Variants in ZNF280D observed in about 807,000 individuals in gnomAD.
ZNF280D encodes zinc finger protein 280D, also known as suppressor of hairy wing homolog 4.
A neutral mutation model predicts 94.7 loss-of-function variants in ZNF280D; 39 were observed. The observed-to-expected ratio is 0.41, with a 90% CI of 0.32 to 0.54. The LOEUF (loss-of-function observed/expected upper bound fraction) is 0.54, where lower values mean the gene tolerates loss of function less well. ZNF280D is among the 20% of genes least tolerant of loss of function. The pLI is 0.22. For synonymous variants in ZNF280D, 398 were observed against 377.6 expected (o/e 1.05, Z -0.63); for missense variants, 1,090 against 1,149.3 (o/e 0.95, Z 0.75).
rs2058333620 is a variant in ZNF280D, at chr15:56,721,038, C to G, written c.-86+12420G>C. On this transcript the variant is annotated intron_variant, in intron 1 of 21. Transcript: ENST00000267807. The stretch of plus-strand genomic sequence containing the variant: ...AGTGCAGTGGCACCATCTAAACTCA[C>G]TGCAACTTCTGCCACCCAGGTTCAA... Among the ~76,000 whole-genome samples, 3 of 151,416 alleles carry G rather than the reference C, an allele frequency of 2.0e-5. No homozygotes were observed. In the South Asian group the frequency reaches 6.3e-4, roughly 32 times the overall value.
intron 13 of ZNF280D, among the ~76,000 whole-genome samples, chr15:56,669,960 T>TA (rs2054690955): frequency 3.0e-4 from 1 of 3,336 alleles, no homozygotes; most frequent in Non-Finnish European, 4.4e-4. Context: ...TATATATATA[T>TA]ATTATATATA....
At chr15:56,686,511 A>G (rs1178543622) in intron 9 of ZNF280D, among the ~76,000 whole-genome samples, 1 of 152,226 alleles carries the variant, frequency 6.6e-6, no homozygotes, top group Non-Finnish European at 1.5e-5. Context: ...CAAAATTGCA[A>G]TATATGAAAG....
chr15:56,641,642 G>A lies in ZNF280D; in HGVS notation c.2259+1310C>T, dbSNP rs563223775. Among the ~76,000 whole-genome samples, 115 of 151,878 alleles carry A rather than the reference G, an allele frequency of 7.6e-4. 1 individual carries two copies. The highest frequency in any genetic ancestry group is 2.7e-3 in the African/African-American group (111 of 41,530). ...TTGATCATATTTAAATTCACAGAAT[G>A]CAGCATTTTCTTCTGTTAAATTATG... On this transcript the variant is annotated intron_variant, in intron 20 of 21. Coordinates refer to ENST00000267807, the MANE Select transcript of ZNF280D (RefSeq NM_017661.4).
In ZNF280D at chr15:56,658,489, G is replaced by A; in HGVS notation, c.1995-3C>T. ...TGCTTGGACGGTTACTATGAAAGCT[G>A]GAGAAACAAAAGAGATAGTAAAAAT... On this transcript the variant is annotated splice_polypyrimidine_tract_variant and splice_region_variant and intron_variant, in intron 16 of 21. Transcript: ENST00000267807. The A allele has an allele frequency of 3.2e-6, 5 of 1,550,010 alleles. No individual in the cohort carries two copies. Among genetic ancestry groups the A allele is most frequent in the East Asian group, 2.4e-5 (1 of 41,798 alleles).
chr15:56,697,921 G>GT (rs1394659041), intron 6 of ZNF280D: 1 of 152,118 alleles, frequency 6.6e-6, no homozygotes, highest in Non-Finnish European at 1.5e-5. Flanking sequence ...ATCAAAAATT[G>GT]TTTTAGTCTC....
At chr15:56,705,174 A>T (rs1419111950) in intron 3 of ZNF280D, among the ~76,000 whole-genome samples, 3 of 152,204 alleles carry the variant, frequency 2.0e-5, no homozygotes, top group African/African-American at 7.2e-5. Flanking sequence ...CATTTTCCTA[A>T]ATGCCATCAA....
intron 13 of ZNF280D, among the ~76,000 whole-genome samples, chr15:56,675,150 T>G (rs1198649233): frequency 6.6e-6 from 1 of 151,966 alleles, no homozygotes; most frequent in Non-Finnish European, 1.5e-5. Flanking sequence ...AGTTAAAACA[T>G]ACAACTCAGG....
intron 19 of ZNF280D, among the ~76,000 whole-genome samples, chr15:56,650,473 T>A (rs1483877892): frequency 6.6e-6 from 1 of 152,160 alleles, no homozygotes; most frequent in African/African-American, 2.4e-5. Context: ...TTAACTCTAA[T>A]ATTTTGACTG....
chr15:56,731,675 C>G (rs955372314), intron 1 of ZNF280D, among the ~76,000 whole-genome samples: 1 of 152,094 alleles, frequency 6.6e-6, no homozygotes, highest in African/African-American at 2.4e-5. Flanking sequence ...AAAATACATA[C>G]TGACACACAT....
intron 20 of ZNF280D, chr15:56,635,918 T>C (rs1177091338): frequency 6.6e-6 from 1 of 152,190 alleles, no homozygotes. Flanking sequence ...ATCTACATAT[T>C]AGATTTTATA....
At chr15:56,727,186 C>T (rs183746429) in intron 1 of ZNF280D, among the ~76,000 whole-genome samples, 3 of 151,844 alleles carry the variant, frequency 2.0e-5, no homozygotes, top group East Asian at 3.9e-4. Flanking sequence ...AAGAAGGAAA[C>T]TGGCTGGGCG....
At chr15:56,678,466 T>G (rs946681954) in intron 11 of ZNF280D, among the ~76,000 whole-genome samples, 198 bp downstream of exon 11, 57 of 152,208 alleles carry the variant, frequency 3.7e-4, no homozygotes, top group African/African-American at 1.3e-3. Context: ...ACTGAATTAT[T>G]TGCAAGAGGC....
chr15:56,635,882 G>A (rs776383841), intron 20 of ZNF280D: 1 of 152,100 alleles, frequency 6.6e-6, no homozygotes, highest in African/African-American at 2.4e-5. Flanking sequence ...AGTATATTAA[G>A]AACTTTACAT....
intron 6 of ZNF280D, chr15:56,699,020 G>A (rs1487542437): frequency 6.6e-6 from 1 of 151,868 alleles, no homozygotes; most frequent in South Asian, 2.1e-4. Context: ...CAGAAATTGT[G>A]AGATCATGAG....
chr15:56,688,536 TG>T (rs1271996373), intron 9 of ZNF280D, among the ~76,000 whole-genome samples: 1 of 150,922 alleles, frequency 6.6e-6, no homozygotes. Flanking sequence ...CACAATTATA[TG>T]AACTATATTC....
At chr15:56,683,283 T>C (rs943545697) in intron 9 of ZNF280D, among the ~76,000 whole-genome samples, 4 of 152,150 alleles carry the variant, frequency 2.6e-5, no homozygotes, top group Admixed American at 6.6e-5. Flanking sequence ...GATTTAGTCA[T>C]TGAGAACGGC....
At chr15:56,698,611 T>C (rs1030018857) in intron 6 of ZNF280D, 23 of 152,272 alleles carry the variant, frequency 1.5e-4, no homozygotes, top group African/African-American at 4.8e-4. Context: ...TTCCCTCCCA[T>C]TGAGTGTGGG....
At chr15:56,709,846 C>T (rs1015383198) in intron 1 of ZNF280D, among the ~76,000 whole-genome samples, 2 of 151,826 alleles carry the variant, frequency 1.3e-5, no homozygotes, top group Admixed American at 6.6e-5. Flanking sequence ...CATCACACAC[C>T]GGGGCCTGTC....
chr15:56,644,347 C>T (rs2052776218), intron 19 of ZNF280D, among the ~76,000 whole-genome samples: 1 of 151,892 alleles, frequency 6.6e-6, no homozygotes, highest in Admixed American at 6.6e-5. Context: ...AACTTCACTG[C>T]TTTAATGCAG....
Sources: allele counts gnomAD v4.1 joint callset (sites outside exome capture counted in the v4.1 genomes callset), GRCh38; gene constraint gnomAD v4.1.1; transcripts MANE v1.5; gene names NCBI Gene and HGNC (gene_info 2026-07-23, HGNC 2026-07-21).